Variants in FAM227A observed in about 807,000 individuals in gnomAD.
The protein encoded by FAM227A is protein FAM227A.
FAM227A carries 80 observed loss-of-function variants against 74.7 expected under a neutral mutation model. The observed-to-expected ratio is 1.07, with a 90% CI of 0.89 to 1.29. FAM227A has a LOEUF of 1.29. Ranked by LOEUF, FAM227A falls within the 50% of genes most tolerant of loss-of-function variation. The pLI is 0.00. For synonymous variants in FAM227A, 237 were observed against 241.8 expected, an observed-to-expected ratio of 0.98 and a Z score of 0.19; for missense variants, 654 against 683.4, an observed-to-expected ratio of 0.96 and a Z score of 0.48.
intron 1 of FAM227A, among the ~76,000 whole-genome samples, chr22:38,654,991 T>A (rs1430038029): frequency 1.4e-5 from 2 of 144,286 alleles, no homozygotes; most frequent in Non-Finnish European, 3.0e-5. Flanking sequence ...AAAAAAAAAA[T>A]TAGCCTGGCA....
chr22:38,600,847 G>T (rs2091159458), intron 13 of FAM227A, among the ~76,000 whole-genome samples: 1 of 151,762 alleles, frequency 6.6e-6, no homozygotes, highest in Admixed American at 6.6e-5. Flanking sequence ...AGCTACTCAG[G>T]AGGCTGAGGC....
intron 3 of FAM227A, among the ~76,000 whole-genome samples, chr22:38,640,850 C>A (rs778639357): frequency 6.6e-6 from 1 of 152,072 alleles, no homozygotes; most frequent in Non-Finnish European, 1.5e-5. Context: ...TCCCTTGCAT[C>A]AGCACTCCCT....
intron 3 of FAM227A, among the ~76,000 whole-genome samples, chr22:38,643,396 T>C (rs1296289570): frequency 6.6e-6 from 1 of 151,274 alleles, no homozygotes. Context: ...AGACTATAAA[T>C]AAGCACATAA....
chr22:38,599,979 A>G, intron 13 of FAM227A, 58 bp from the exon 14 acceptor site: 1 of 1,419,632 alleles, frequency 7.0e-7, no homozygotes, highest in South Asian at 1.4e-5. Flanking sequence ...AGTCTGTATT[A>G]AGAACCAGAA....
At position 38,586,035 on chromosome 22, in the gene FAM227A, C is replaced by T; in HGVS notation, c.*90G>A. 1 of 1,546,918 alleles carries T rather than the reference C, an allele frequency of 6.5e-7. No homozygotes were observed. Among genetic ancestry groups the T allele is most frequent in the East Asian group, 2.4e-5 (1 of 40,864 alleles). ...TGATTCCTATTTCTGTCTTTGGCCA[C>T]AATTTTCTTATTTTCTTGTTCCACT... On this transcript the variant is annotated 3_prime_UTR_variant, in exon 17 of 17. Transcript: ENST00000535113.
intron 3 of FAM227A, among the ~76,000 whole-genome samples, chr22:38,641,301 A>C (rs1028029007): frequency 1.3e-5 from 2 of 152,176 alleles, no homozygotes; most frequent in Non-Finnish European, 2.9e-5. Flanking sequence ...GAAGTATTCA[A>C]ATACACAGAT....
At chr22:38,643,394 A>C (rs910455254) in intron 3 of FAM227A, among the ~76,000 whole-genome samples, 1 of 152,140 alleles carries the variant, frequency 6.6e-6, no homozygotes, top group Non-Finnish European at 1.5e-5. Flanking sequence ...GCAGACTATA[A>C]ATAAGCACAT....
chr22:38,582,641 C>T lies in FAM227A; in HGVS notation c.*3484G>A. On this transcript the variant is annotated 3_prime_UTR_variant, in exon 17 of 17. Coordinates refer to ENST00000535113, the MANE Select transcript of FAM227A (RefSeq NM_001013647.2). ...GTCCTCAGTCATTTCTGGAAAGGGT[C>T]CATGCAGGGATGATCTTGGACTGTG... The T allele has an allele frequency of 1.4e-6, 1 of 733,726 alleles. No individual in the cohort carries two copies. Among genetic ancestry groups the T allele is most frequent in the African/African-American group, 1.8e-5 (1 of 56,488 alleles). 45.5% of individuals were successfully genotyped at this position (733,726 alleles called of 1,614,324 possible).
chr22:38,640,195 G>A (rs988495040), intron 3 of FAM227A, among the ~76,000 whole-genome samples: 26 of 151,994 alleles, frequency 1.7e-4, no homozygotes, highest in East Asian at 7.7e-4. Flanking sequence ...CACCACGCCC[G>A]GCTAATTTTT....
At position 38,582,585 on chromosome 22, in the gene FAM227A, T is replaced by C; in HGVS notation, c.*3540A>G. Reference sequence around the variant, plus strand: ...CAAAGGGCAGAGACAGGTTTCTTCATATTTAACATCCTGAGAGGCTACAAC... The same window carrying C: ...CAAAGGGCAGAGACAGGTTTCTTCACATTTAACATCCTGAGAGGCTACAAC... On this transcript the variant is annotated 3_prime_UTR_variant, in exon 17 of 17. Transcript: ENST00000535113. 1.3e-6 allele frequency: 1 copy of C among 772,776 alleles called. No individual in the cohort carries two copies. Among genetic ancestry groups the C allele is most frequent in the Non-Finnish European group, 2.0e-6 (1 of 491,730 alleles). 47.9% of individuals were successfully genotyped at this position (772,776 alleles called of 1,614,324 possible). A position where few individuals can be genotyped will look rare whatever the true frequency, so the allele number is the denominator to read the frequency against.
At chr22:38,641,757 G>T (rs1336633439) in intron 3 of FAM227A, among the ~76,000 whole-genome samples, 1 of 151,630 alleles carries the variant, frequency 6.6e-6, no homozygotes, top group Non-Finnish European at 1.5e-5. Flanking sequence ...CCATATCTTA[G>T]AGCTCTTTAG....
Position 38,654,124 on chromosome 22 carries a change from G to T in FAM227A, c.-95+1996C>A, listed in dbSNP as rs138222626. Among the ~76,000 whole-genome samples, 4 of 151,954 alleles carry T rather than the reference G, an allele frequency of 2.6e-5. No individual in the cohort carries two copies. The East Asian group carries it at 7.8e-4, about 30-fold the overall frequency. On this transcript the variant is annotated intron_variant, in intron 1 of 16. Coordinates refer to ENST00000535113, the MANE Select transcript of FAM227A (RefSeq NM_001013647.2). Reference sequence around the variant, plus strand: ...ACCACTTTAGGAGGCCGAGGCAGGCGGATGACGAGGTCAGGAGATCCAGAC... The same window carrying T: ...ACCACTTTAGGAGGCCGAGGCAGGCTGATGACGAGGTCAGGAGATCCAGAC...
At chr22:38,615,721 T>G (rs1163419613) in intron 11 of FAM227A, among the ~76,000 whole-genome samples, 3 of 152,128 alleles carry the variant, frequency 2.0e-5, no homozygotes, top group Non-Finnish European at 4.4e-5. Context: ...CCAAATGCAA[T>G]GAAGAAGTTA....
At chr22:38,606,763 G>T (rs2091292263) in intron 12 of FAM227A, among the ~76,000 whole-genome samples, 1 of 152,150 alleles carries the variant, frequency 6.6e-6, no homozygotes, top group South Asian at 2.1e-4. Context: ...GTAATTACTG[G>T]TTTCTGGTGG....
intron 6 of FAM227A, among the ~76,000 whole-genome samples, chr22:38,634,423 G>A (rs2091966886): frequency 6.6e-6 from 1 of 152,020 alleles, no homozygotes; most frequent in African/African-American, 2.4e-5. Flanking sequence ...CCATTAAACT[G>A]TTTCTAATAA....
At chr22:38,609,759 TTTTTC>T (rs561096403) in intron 11 of FAM227A, among the ~76,000 whole-genome samples, 256 of 152,034 alleles carry the variant, frequency 1.7e-3, no homozygotes, top group African/African-American at 5.8e-3. Context: ...ATGCTCATTC[TTTTTC>T]TTTTCTTTCT....
intron 11 of FAM227A, among the ~76,000 whole-genome samples, chr22:38,607,906 CTAA>C (rs1318565695): frequency 6.6e-6 from 1 of 152,188 alleles, no homozygotes; most frequent in African/African-American, 2.4e-5. Flanking sequence ...TGGGCAACTA[CTAA>C]TGTGTTTGCA....
rs1475443744 is a variant in FAM227A at position 38,628,902 on chromosome 22, G to A, written c.553C>T (p.Leu185Phe). ...ATGGCTCTTGGAGAAGAAGAAGAGA[G>A]AAACTTCTCTAATTCTCTACCTGAA... ...FCSGRELEKF[L>F]SSSSPRAIWL... Residue 185 changes from leucine (L) to phenylalanine (F), a missense_variant, in exon 7 of 17, where the codon CTC (leucine) becomes TTC (phenylalanine). Physicochemically the swap from Leu to Phe is conservative, Grantham distance 22. Coordinates refer to ENST00000535113, the MANE Select transcript of FAM227A (RefSeq NM_001013647.2). The A allele has an allele frequency of 2.6e-6, 4 of 1,540,386 alleles. No individual in the cohort carries two copies. In the East Asian group the frequency reaches 9.8e-5, roughly 38 times the overall value.
At chr22:38,627,244 T>A (rs1400003193) in intron 8 of FAM227A, among the ~76,000 whole-genome samples, 3 of 152,040 alleles carry the variant, frequency 2.0e-5, no homozygotes, top group Non-Finnish European at 4.4e-5. Flanking sequence ...TAAAATTATA[T>A]GCTTATTTAA....
Sources: allele counts gnomAD v4.1 joint callset (sites outside exome capture counted in the v4.1 genomes callset), GRCh38; gene constraint gnomAD v4.1.1; transcripts MANE v1.5; gene names NCBI Gene and HGNC (gene_info 2026-07-23, HGNC 2026-07-21).